C2CD3: variants seen among roughly 807,000 people sequenced by gnomAD.
C2CD3 encodes C2 domain-containing protein 3.
A neutral mutation model predicts 234.0 loss-of-function variants in C2CD3; 148 were observed. The observed-to-expected ratio is 0.63, with a 90% CI of 0.55 to 0.72. C2CD3 has a LOEUF of 0.72. Among genes scored for constraint, C2CD3 ranks in the 30% least tolerant of loss-of-function variants. The probability of loss-of-function intolerance (pLI) is 0.00; values close to 1 mark genes in which losing one functional copy is unlikely to be tolerated. For missense variants in C2CD3, 2,577 were observed against 2,811.5 expected, an observed-to-expected ratio of 0.92 and a Z score of 1.89; for synonymous variants, 1,000 against 1,035.4, an observed-to-expected ratio of 0.97 and a Z score of 0.66.
At chr11:74,046,346 C>CT (rs1246271269) in intron 28 of C2CD3, among the ~76,000 whole-genome samples, 1 of 152,048 alleles carries the variant, frequency 6.6e-6, no homozygotes, top group Non-Finnish European at 1.5e-5. Flanking sequence ...ATACAAGGTA[C>CT]TTTTTATTAT....
chr11:74,168,242 G>T, intron 2 of C2CD3, 102 bp downstream of exon 2: 1 of 904,476 alleles, frequency 1.1e-6, no homozygotes, highest in Non-Finnish European at 1.7e-6. Context: ...CAATAATTAA[G>T]AATGCCCATA....
At chr11:74,123,192 T>G in intron 7 of C2CD3, 57 bp from the exon 8 acceptor site, 1 of 1,329,950 alleles carries the variant, frequency 7.5e-7, no homozygotes, top group East Asian at 2.4e-5. Flanking sequence ...AGCTGAACTA[T>G]TCTCTCTTTA....
intron 7 of C2CD3, among the ~76,000 whole-genome samples, chr11:74,130,174 G>C (rs890496277): frequency 2.0e-5 from 3 of 146,432 alleles, no homozygotes; most frequent in African/African-American, 7.8e-5. Flanking sequence ...GAGAGGGGCT[G>C]TTTGATCCAT....
intron 8 of C2CD3, among the ~76,000 whole-genome samples, chr11:74,120,593 T>C (rs1957179149): frequency 6.6e-6 from 1 of 152,226 alleles, no homozygotes; most frequent in South Asian, 2.1e-4. Context: ...AACATATGTG[T>C]GCATGTGTCT....
At chr11:74,060,655 C>T (rs1322271461) in intron 24 of C2CD3, among the ~76,000 whole-genome samples, 1 of 152,164 alleles carries the variant, frequency 6.6e-6, no homozygotes, top group Non-Finnish European at 1.5e-5. Flanking sequence ...GATAAAACCA[C>T]AAAGATGGGG....
intron 7 of C2CD3, chr11:74,129,251 TGGGC>T (rs1957542253): frequency 6.1e-6 from 1 of 163,974 alleles, no homozygotes; most frequent in African/African-American, 2.6e-5. Flanking sequence ...GGGTGGCTGC[TGGGC>T]GGAGGGGCTC....
chr11:74,100,378 G>A (rs1016126503), intron 15 of C2CD3, 147 bp downstream of exon 15: 10 of 723,290 alleles, frequency 1.4e-5, no homozygotes, highest in Middle Eastern at 3.0e-4. Context: ...TTTAGAATAG[G>A]AGAAAGAGCA....
At chr11:74,052,605 G>A (rs967160800) in intron 26 of C2CD3, among the ~76,000 whole-genome samples, 2 of 152,328 alleles carry the variant, frequency 1.3e-5, no homozygotes, top group East Asian at 3.9e-4. Flanking sequence ...GCCTAGAAAG[G>A]AGGGTGGAGC....
At chr11:74,041,550 G>A (rs1953059012) in intron 29 of C2CD3, among the ~76,000 whole-genome samples, 1 of 152,184 alleles carries the variant, frequency 6.6e-6, no homozygotes, top group East Asian at 1.9e-4. Context: ...AGCAAGGATT[G>A]GAGGTCAAGT....
Position 74,092,292 on chromosome 11 carries a change from T to C in C2CD3, c.3517+124A>G. The C allele has an allele frequency of 5.2e-6, 4 of 767,222 alleles. No individual in the cohort carries two copies. The South Asian group carries it at 6.8e-5, about 13-fold the overall frequency. 47.5% of individuals were successfully genotyped at this position (767,222 alleles called of 1,614,324 possible). ...CTGGTCTCGAACTCCTGACCTCAGG[T>C]GATCCACCCGCCTTGGCTTCCCAAA... is the stretch of plus-strand genomic sequence containing the variant. On this transcript the variant is annotated intron_variant, in intron 19 of 32. Transcript: ENST00000334126.
intron 31 of C2CD3, among the ~76,000 whole-genome samples, chr11:74,028,962 C>T (rs906241178): frequency 6.6e-6 from 1 of 152,192 alleles, no homozygotes; most frequent in Admixed American, 6.5e-5. Flanking sequence ...GAAGGAGGGC[C>T]TGCTTGCCTA....
intron 3 of C2CD3, among the ~76,000 whole-genome samples, chr11:74,150,017 T>C (rs952110796): frequency 2.0e-5 from 3 of 152,200 alleles, no homozygotes; most frequent in African/African-American, 7.2e-5. Context: ...ATTCTTTGTG[T>C]GTGACTGTTT....
At chr11:74,116,946 AC>A (rs1169063097) in intron 9 of C2CD3, among the ~76,000 whole-genome samples, 3 of 110,054 alleles carry the variant, frequency 2.7e-5, no homozygotes, top group African/African-American at 1.3e-4. Flanking sequence ...ACACATATAC[AC>A]GTATATATGT....
At chr11:74,077,489 A>G (rs1034295208) in intron 23 of C2CD3, among the ~76,000 whole-genome samples, 9 of 151,894 alleles carry the variant, frequency 5.9e-5, no homozygotes, top group African/African-American at 1.7e-4. Context: ...TTGCAGGGAC[A>G]TGGATGAAGC....
chr11:74,098,267 G>A lies in C2CD3; in HGVS notation c.2733-12C>T, dbSNP rs758127510. On this transcript the variant is annotated splice_polypyrimidine_tract_variant and intron_variant, in intron 15 of 32. Transcript: ENST00000334126. ...AAATCTTAGCATCTCTAGAGGGGGA[G>A]AAATTGTGAATAAGCAAATAACAAG... 3.7e-6 allele frequency: 6 copies of A among 1,610,550 alleles called. No homozygotes were observed. Among genetic ancestry groups the A allele is most frequent in the African/African-American group, 1.3e-5 (1 of 74,798 alleles).
intron 5 of C2CD3, among the ~76,000 whole-genome samples, chr11:74,134,192 T>C (rs545032963): frequency 6.6e-6 from 1 of 152,378 alleles, no homozygotes; most frequent in African/African-American, 2.4e-5. Flanking sequence ...TGACTACTTT[T>C]GTTTTCCAGA....
intron 3 of C2CD3, among the ~76,000 whole-genome samples, chr11:74,153,693 C>T (rs369933746): frequency 6.6e-6 from 1 of 152,042 alleles, no homozygotes; most frequent in African/African-American, 2.4e-5. Flanking sequence ...CAAGCTGATT[C>T]TAATATTTAT....
At chr11:74,091,042 G>A (rs1019832509) in intron 19 of C2CD3, 106 bp from the exon 20 acceptor site, 13 of 1,075,594 alleles carry the variant, frequency 1.2e-5, no homozygotes, top group African/African-American at 3.2e-5. Flanking sequence ...ACACTACAAC[G>A]AACAATAAGG....
intron 26 of C2CD3, among the ~76,000 whole-genome samples, chr11:74,054,044 G>A (rs1202973594): frequency 2.6e-5 from 4 of 152,024 alleles, no homozygotes; most frequent in East Asian, 1.9e-4. Flanking sequence ...AGGCCGAGGC[G>A]GGTGGATCAC....
Sources: gnomAD v4.1 joint callset for allele counts (sites outside exome capture counted in the v4.1 genomes callset) on GRCh38, gnomAD v4.1.1 for gene constraint, MANE v1.5 for transcripts, NCBI Gene and HGNC (gene_info 2026-07-23, HGNC 2026-07-21) for gene names.